MARCHF1: variants seen among roughly 807,000 people sequenced by gnomAD.
The protein encoded by MARCHF1 is E3 ubiquitin-protein ligase MARCHF1.
MARCHF1 carries 40 observed loss-of-function variants against 54.2 expected under a neutral mutation model. The ratio of observed to expected loss-of-function variants is 0.74; its 90% CI spans 0.57 to 0.96. MARCHF1 has a LOEUF of 0.96. Ranked by LOEUF, MARCHF1 falls within the 40% of genes least tolerant of loss-of-function variation. MARCHF1 has a pLI of 0.00. For synonymous variants in MARCHF1, 236 were observed against 236.3 expected, an observed-to-expected ratio of 1.00 and a Z score of 0.01; for missense variants, 586 against 656.5, an observed-to-expected ratio of 0.89 and a Z score of 1.17.
intron 1 of MARCHF1, among the ~76,000 whole-genome samples, chr4:164,133,775 C>T (rs538647174): frequency 6.6e-6 from 1 of 152,272 alleles, no homozygotes; most frequent in East Asian, 1.9e-4. Flanking sequence ...GGGCACTGCC[C>T]ATCTACCTGC....
chr4:163,934,899 C>T (rs1279759495), intron 3 of MARCHF1, among the ~76,000 whole-genome samples: 1 of 152,146 alleles, frequency 6.6e-6, no homozygotes. Flanking sequence ...TTAATGACAT[C>T]TGCAATGATG....
chr4:164,215,097 TCA>T (rs1392022065), intron 1 of MARCHF1, among the ~76,000 whole-genome samples: 5 of 152,194 alleles, frequency 3.3e-5, no homozygotes, highest in Non-Finnish European at 7.3e-5. Context: ...CCCTTCCTTA[TCA>T]CAGAGGGCTT....
chr4:163,617,555 T>G (rs9990979), intron 5 of MARCHF1, among the ~76,000 whole-genome samples: 3,680 of 149,512 alleles, frequency 0.025, 135 homozygotes, highest in African/African-American at 0.082. Flanking sequence ...TTCATTCAAG[T>G]TTTTTTAAGA....
At chr4:164,118,099 T>C (rs1165938244) in intron 1 of MARCHF1, among the ~76,000 whole-genome samples, 1 of 151,764 alleles carries the variant, frequency 6.6e-6, no homozygotes, top group Non-Finnish European at 1.5e-5. Context: ...ATGCATATAA[T>C]TGAAGTCACT....
intron 3 of MARCHF1, among the ~76,000 whole-genome samples, chr4:163,977,489 T>C (rs1182575291): frequency 6.6e-6 from 1 of 152,170 alleles, no homozygotes; most frequent in Non-Finnish European, 1.5e-5. Context: ...TATTTTGTTA[T>C]CCTAATTCAA....
chr4:164,375,613 C>CT (rs1731165858), intron 1 of MARCHF1, among the ~76,000 whole-genome samples: 1 of 152,086 alleles, frequency 6.6e-6, no homozygotes, highest in African/African-American at 2.4e-5. Flanking sequence ...TCATACATTT[C>CT]TTTTTTGCAA....
chr4:163,877,760 A>G (rs1445847490), intron 3 of MARCHF1, among the ~76,000 whole-genome samples: 1 of 152,126 alleles, frequency 6.6e-6, no homozygotes, highest in African/African-American at 2.4e-5. Context: ...ACCATCTTGG[A>G]TCTCCTCACC....
At chr4:163,549,808 T>G (rs1476337160) in intron 8 of MARCHF1, among the ~76,000 whole-genome samples, 5 of 152,168 alleles carry the variant, frequency 3.3e-5, no homozygotes, top group Admixed American at 6.5e-5. Flanking sequence ...CAAACATTGT[T>G]TCTGTGAAAT....
At chr4:164,194,946 A>G (rs1000994500) in intron 1 of MARCHF1, among the ~76,000 whole-genome samples, 1 of 151,838 alleles carries the variant, frequency 6.6e-6, no homozygotes, top group Non-Finnish European at 1.5e-5. Flanking sequence ...TAGCTCCTAC[A>G]TTAGCTATCC....
At chr4:163,978,886 T>C (rs1752701930) in intron 3 of MARCHF1, among the ~76,000 whole-genome samples, 1 of 152,036 alleles carries the variant, frequency 6.6e-6, no homozygotes, top group Non-Finnish European at 1.5e-5. Context: ...CATGCATGGA[T>C]AATTTTTGTT....
chr4:164,162,839 G>C (rs1730275922), intron 1 of MARCHF1, among the ~76,000 whole-genome samples: 1 of 152,092 alleles, frequency 6.6e-6, no homozygotes, highest in South Asian at 2.1e-4. Context: ...TATGAAAAAA[G>C]AGCAGGACGT....
chr4:163,828,176 A>G (rs1315706721), intron 4 of MARCHF1, among the ~76,000 whole-genome samples: 1 of 152,144 alleles, frequency 6.6e-6, no homozygotes, highest in South Asian at 2.1e-4. Flanking sequence ...ACTTTATAGA[A>G]GTATCTTGAA....
intron 1 of MARCHF1, among the ~76,000 whole-genome samples, chr4:164,224,550 G>T (rs923088764): frequency 1.3e-5 from 2 of 151,748 alleles, no homozygotes; most frequent in Non-Finnish European, 2.9e-5. Context: ...AGTAGTCTAT[G>T]TCCTAATAAT....
At chr4:163,724,080 T>C (rs1438951558) in intron 4 of MARCHF1, among the ~76,000 whole-genome samples, 1 of 152,246 alleles carries the variant, frequency 6.6e-6, no homozygotes, top group East Asian at 1.9e-4. Context: ...GCTGTGTTCC[T>C]TTGGAGGGGG....
chr4:163,727,207 A>G (rs935427529), intron 4 of MARCHF1, among the ~76,000 whole-genome samples: 6 of 152,160 alleles, frequency 3.9e-5, no homozygotes, highest in African/African-American at 1.4e-4. Context: ...ATTATCCTGT[A>G]AAAAATAATT....
intron 7 of MARCHF1, among the ~76,000 whole-genome samples, chr4:163,591,362 C>T (rs1393732596): frequency 6.6e-6 from 1 of 151,986 alleles, no homozygotes. Flanking sequence ...TAAACAGCCC[C>T]TAGTTTTTCC....
chr4:163,944,809 C>G (rs1469760592), intron 3 of MARCHF1, among the ~76,000 whole-genome samples: 1 of 152,094 alleles, frequency 6.6e-6, no homozygotes, highest in Non-Finnish European at 1.5e-5. Flanking sequence ...CCATTCAGCC[C>G]CATGTCCACA....
intron 4 of MARCHF1, among the ~76,000 whole-genome samples, chr4:163,831,920 A>T (rs1475658030): frequency 6.6e-6 from 1 of 152,188 alleles, no homozygotes; most frequent in African/African-American, 2.4e-5. Flanking sequence ...ACACTTAACA[A>T]GCTTGGAGTT....
At chr4:163,713,632 G>A (rs1745174259) in intron 4 of MARCHF1, among the ~76,000 whole-genome samples, 1 of 152,162 alleles carries the variant, frequency 6.6e-6, no homozygotes, top group East Asian at 1.9e-4. Context: ...ATAGCTGTTA[G>A]AAATAGAAGT....
Sources: gnomAD v4.1 joint callset for allele counts (sites outside exome capture counted in the v4.1 genomes callset) on GRCh38, gnomAD v4.1.1 for gene constraint, MANE v1.5 for transcripts, NCBI Gene and HGNC (gene_info 2026-07-23, HGNC 2026-07-21) for gene names.